Variants in PTPRE observed in about 807,000 individuals in gnomAD.
PTPRE encodes the protein receptor-type tyrosine-protein phosphatase epsilon.
In PTPRE, 51 loss-of-function variants were observed where a neutral mutation model predicts 102.0. The ratio of observed to expected loss-of-function variants is 0.50; its 90% confidence interval spans 0.40 to 0.63. The LOEUF (loss-of-function observed/expected upper bound fraction) is 0.63. Among genes scored for constraint, PTPRE ranks in the 30% least tolerant of loss-of-function variants. The pLI, the probability that PTPRE is intolerant of heterozygous loss-of-function variation, is 0.00. For synonymous variants in PTPRE, 345 were observed against 348.2 expected, an observed-to-expected ratio of 0.99 and a Z score of 0.10; for missense variants, 752 against 915.1, an observed-to-expected ratio of 0.82 and a Z score of 2.30.
chr10:127,928,848 C>G (rs554997443), intron 1 of PTPRE, among the ~76,000 whole-genome samples: 5 of 152,340 alleles, frequency 3.3e-5, no homozygotes, highest in African/African-American at 1.2e-4. Context: ...TGTAGCTGAA[C>G]AAAACACTGA....
intron 2 of PTPRE, among the ~76,000 whole-genome samples, chr10:128,004,540 C>A (rs533267958): frequency 6.6e-6 from 1 of 152,234 alleles, no homozygotes; most frequent in African/African-American, 2.4e-5. Context: ...TTTCATGTAG[C>A]ATTTGTTTTG....
intron 1 of PTPRE, among the ~76,000 whole-genome samples, chr10:127,975,646 T>C (rs1304897332): frequency 6.6e-6 from 1 of 152,116 alleles, no homozygotes; most frequent in South Asian, 2.1e-4. Context: ...ATTTAACATA[T>C]CTGAGTATTA....
Position 128,042,291 on chromosome 10 carries a change from C to T in PTPRE, c.109+1301C>T, listed in dbSNP as rs375037285. The stretch of plus-strand genomic sequence containing the variant: ...GCGCAACAGTGGGGAAGAATCTGCC[C>T]GAGCTCTGCAGACAGTCCCTCGGGT... On this transcript the variant is annotated intron_variant, in intron 3 of 20. Coordinates refer to ENST00000254667, the MANE Select transcript of PTPRE (RefSeq NM_006504.6). Among the ~76,000 whole-genome samples the T allele has an allele frequency of 2.8e-3, 423 of 152,336 alleles. 3 individuals carry two copies. Among genetic ancestry groups the T allele is most frequent in the African/African-American group, 9.9e-3 (412 of 41,566 alleles).
chr10:127,958,517 A>G (rs1849561808), intron 1 of PTPRE, among the ~76,000 whole-genome samples: 1 of 152,236 alleles, frequency 6.6e-6, no homozygotes, highest in African/African-American at 2.4e-5. Context: ...TCAAATTTGA[A>G]TCAACCTTTT....
At chr10:128,026,036 T>G (rs764812694) in intron 2 of PTPRE, among the ~76,000 whole-genome samples, 31 of 152,220 alleles carry the variant, frequency 2.0e-4, no homozygotes, top group Non-Finnish European at 1.8e-4. Flanking sequence ...CCCGAGAGTC[T>G]CCCATGTATC....
At chr10:127,955,286 GTACA>G (rs59251219) in intron 1 of PTPRE, among the ~76,000 whole-genome samples, 26,643 of 149,910 alleles carry the variant, frequency 0.18, 3,844 homozygotes, top group African/African-American at 0.4. Context: ...AAATACATGT[GTACA>G]TACATACATA....
chr10:127,986,098 A>T (rs916499341), intron 2 of PTPRE, among the ~76,000 whole-genome samples: 8 of 151,846 alleles, frequency 5.3e-5, no homozygotes, highest in Non-Finnish European at 8.8e-5. Flanking sequence ...CTCAAAAATT[A>T]AAAAAAAATT....
rs1433554334 is a variant in PTPRE at position 127,907,439 on chromosome 10, C to T, written c.-31+130C>T. ...AGGGGCCGCTCCGGGGCTCAGAGTC[C>T]GGACCCCGGCCCCGCCGCCCCCGCG... On this transcript the variant is annotated intron_variant, in intron 1 of 20. Transcript: ENST00000254667. This position sits in a 1 kb window ranked among gnomAD's most constrained non-coding sequence, Gnocchi z 4.8. 8 of 666,652 alleles carry T rather than the reference C, an allele frequency of 1.2e-5. No individual in the cohort carries two copies. Among genetic ancestry groups the T allele is most frequent in the Non-Finnish European group, 1.5e-5 (8 of 539,764 alleles). 41.3% of individuals were successfully genotyped at this position (666,652 alleles called of 1,614,324 possible).
rs1277931724 is a variant in PTPRE at position 128,085,228 on chromosome 10, G to A, written c.*2322G>A. The A allele has an allele frequency of 1.0e-5, 4 of 381,814 alleles. No individual in the cohort carries two copies. The highest frequency in any genetic ancestry group is 7.5e-5 in the East Asian group (1 of 13,276). 23.7% of individuals were successfully genotyped at this position (381,814 alleles called of 1,614,324 possible). On this transcript the variant is annotated 3_prime_UTR_variant, in exon 21 of 21. Coordinates refer to ENST00000254667, the MANE Select transcript of PTPRE (RefSeq NM_006504.6). The stretch of plus-strand genomic sequence containing the variant: ...CCTGGGCCTTGGAGCACCTCACGCT[G>A]GGGGAATCAATCCCTGAGGGACTCA...
At chr10:128,059,557 C>G (rs1849334873) in intron 7 of PTPRE, among the ~76,000 whole-genome samples, 1 of 152,166 alleles carries the variant, frequency 6.6e-6, no homozygotes, top group African/African-American at 2.4e-5. Context: ...GGGAGAGGAC[C>G]TAGAGTTACT....
At chr10:128,058,482 C>G (rs1040838742) in intron 7 of PTPRE, among the ~76,000 whole-genome samples, 2 of 152,194 alleles carry the variant, frequency 1.3e-5, no homozygotes, top group Non-Finnish European at 2.9e-5. Context: ...ACGCAGCTGC[C>G]CGGGACTGGG....
At chr10:127,915,909 A>C (rs1846170998) in intron 1 of PTPRE, among the ~76,000 whole-genome samples, 2 of 152,050 alleles carry the variant, frequency 1.3e-5, no homozygotes, top group Non-Finnish European at 2.9e-5. Flanking sequence ...TATTCTATTT[A>C]CAAGGGGTTC....
Position 128,070,439 on chromosome 10 carries a change from G to A in PTPRE, c.1282G>A (p.Glu428Lys), listed in dbSNP as rs1370033515. The A allele has an allele frequency of 1.2e-6, 2 of 1,613,550 alleles. No individual in the cohort carries two copies. The highest frequency in any genetic ancestry group is 4.5e-5 in the East Asian group (2 of 44,888). The change falls in exon 14 of 21, where the codon GAG (glutamate) becomes AAG (lysine). Residue 428 changes from glutamate (E) to lysine (K), a missense_variant. Physicochemically the swap from Glu to Lys is moderately conservative, Grantham distance 56. Around this residue, in one of 2 missense-constraint regions of PTPRE, gnomAD observed 636 missense variants for 824.4 expected, o/e 0.77. Transcript: ENST00000254667. The surrounding 1 kb of genome is among the most constrained non-coding windows in gnomAD (Gnocchi z 4.8). ...TTHFDKIGLE[E>K]EFRKLTNVRI... Reference sequence around the variant, plus strand: ...CCACTTCGACAAGATCGGGCTGGAGGAGGAGTTCAGGGTGAGTACAGCTGA... The same window carrying A: ...CCACTTCGACAAGATCGGGCTGGAGAAGGAGTTCAGGGTGAGTACAGCTGA...
chr10:127,907,817 C>G lies in PTPRE; in HGVS notation c.-31+508C>G, dbSNP rs1026256744. Among the ~76,000 whole-genome samples, 4 of 152,356 alleles carry G rather than the reference C, an allele frequency of 2.6e-5. No individual in the cohort carries two copies. The highest frequency in any genetic ancestry group is 9.6e-5 in the African/African-American group (4 of 41,594). ...GGATGCTGCCCCGCAGCCGGGCGGGCGCCCGCGCCTTCCCAGGGAGGCAGG... is the reference window on the plus strand; with the variant it reads ...GGATGCTGCCCCGCAGCCGGGCGGGGGCCCGCGCCTTCCCAGGGAGGCAGG... On this transcript the variant is annotated intron_variant, in intron 1 of 20. Transcript: ENST00000254667. The surrounding 1 kb of genome is among the most constrained non-coding windows in gnomAD (Gnocchi z 4.8).
At chr10:128,082,195 C>CTTTTTTTTTTTTTTT (rs35709074) in intron 20 of PTPRE, among the ~76,000 whole-genome samples, 3 of 89,036 alleles carry the variant, frequency 3.4e-5, no homozygotes, top group African/African-American at 9.1e-5. Context: ...TTTTCTCTTT[C>CTTTTTTTTTTTTTTT]TTTTTTTTTT....
rs548902040 is a variant in PTPRE at position 128,016,508 on chromosome 10, A to G, written c.-7-24367A>G. On this transcript the variant is annotated intron_variant, in intron 2 of 20. Coordinates refer to ENST00000254667, the MANE Select transcript of PTPRE (RefSeq NM_006504.6). ...TTTTTTTTTTTTTTTACTTTTTTAGAGATGGAGTCTTGCTATGTTGCCCAG... is the reference window on the plus strand; with the variant it reads ...TTTTTTTTTTTTTTTACTTTTTTAGGGATGGAGTCTTGCTATGTTGCCCAG... Among the ~76,000 whole-genome samples, 3 of 137,774 alleles carry G rather than the reference A, an allele frequency of 2.2e-5. No individual in the cohort carries two copies. The South Asian group carries it at 6.9e-4, about 32-fold the overall frequency. The allele number at this position is 137,774 out of a possible 152,430, so 90.4% of individuals were successfully genotyped here. A position where few individuals can be genotyped will look rare whatever the true frequency, so the allele number is the denominator to read the frequency against.
chr10:128,047,457 C>G lies in PTPRE; in HGVS notation c.177C>G (p.Leu59=). The change falls in exon 4 of 21, where the codon CTC becomes CTG. Residue 59 remains leucine, a synonymous_variant. Transcript: ENST00000254667. ...AWLLLPLLLL[L]LVLLLAAYFF... Reference sequence around the variant, plus strand: ...TGCTACTGCCGCTGCTGCTCCTCCTCCTCGTGCTCCTTCTCGCCGCCTACT... The same window carrying G: ...TGCTACTGCCGCTGCTGCTCCTCCTGCTCGTGCTCCTTCTCGCCGCCTACT... 6.2e-7 allele frequency: 1 copy of G among 1,613,432 alleles called. No homozygotes were observed.
intron 20 of PTPRE, 131 bp from the exon 21 acceptor site, chr10:128,082,701 T>G (rs530882597): frequency 9.7e-7 from 1 of 1,035,940 alleles, no homozygotes; most frequent in Admixed American, 3.6e-5. Context: ...TAAATTACGA[T>G]GTGCATAAAG....
intron 1 of PTPRE, among the ~76,000 whole-genome samples, chr10:127,954,487 C>T (rs373194511): frequency 4.6e-5 from 7 of 152,196 alleles, no homozygotes; most frequent in South Asian, 2.1e-4. Context: ...TCAACCATCA[C>T]GGCATTCTGC....
Sources: gnomAD v4.1 joint callset for allele counts (sites outside exome capture counted in the v4.1 genomes callset) on GRCh38, gnomAD v4.1.1 for gene constraint, gnomAD v4.1.1 regional missense constraint, Gnocchi (gnomAD v3.1) non-coding constraint, MANE v1.5 for transcripts, NCBI Gene and HGNC (gene_info 2026-07-23, HGNC 2026-07-21) for gene names.